DNM3: variants seen among roughly 807,000 people sequenced by gnomAD.
DNM3 encodes dynamin 3, also known as dynamin-3.
A neutral mutation model predicts 101.6 loss-of-function variants in DNM3; 47 were observed. The observed-to-expected ratio is 0.46, with a 90% confidence interval of 0.37 to 0.59. The LOEUF (loss-of-function observed/expected upper bound fraction) is 0.59. Among genes scored for constraint, DNM3 ranks in the 20% least tolerant of loss-of-function variants. The probability of loss-of-function intolerance (pLI) is 0.00; values close to 1 mark genes in which losing one functional copy is unlikely to be tolerated. For missense variants in DNM3, 849 were observed against 1,085.7 expected, an observed-to-expected ratio of 0.78 and a Z score of 3.06; for synonymous variants, 385 against 387.9, an observed-to-expected ratio of 0.99 and a Z score of 0.09.
chr1:171,883,345 T>TA lies in DNM3; in HGVS notation c.162-38396dup, dbSNP rs576707036. ...GGACAACAGAGTGAGACTCCATCTC[T>TA]AAAAAAACAAAAAAGGACCACACAC... On this transcript the variant is annotated intron_variant, in intron 1 of 20. Coordinates refer to ENST00000627582, the MANE Select transcript of DNM3 (RefSeq NM_015569.5). Among the ~76,000 whole-genome samples the TA allele has an allele frequency of 1.3e-3, 185 of 143,980 alleles. 1 individual carries two copies. Among genetic ancestry groups the TA allele is most frequent in the African/African-American group, 4.7e-3 (181 of 38,416 alleles). The allele number at this position is 143,980 out of a possible 152,430, so 94.5% of individuals were successfully genotyped here.
chr1:172,312,201 A>G (rs2757502), intron 16 of DNM3, among the ~76,000 whole-genome samples: 13,773 of 152,206 alleles, frequency 0.09, 811 homozygotes, highest in African/African-American at 0.16. Flanking sequence ...AAATTTTTAG[A>G]ATGTCTAAGT....
intron 15 of DNM3, among the ~76,000 whole-genome samples, chr1:172,276,653 G>A (rs2063303861): frequency 6.6e-6 from 1 of 151,064 alleles, no homozygotes; most frequent in African/African-American, 2.4e-5. Context: ...AGTCTTGAGT[G>A]TGATACCACT....
chr1:172,416,300 G>A (rs2071423180), downstream of DNM3, among the ~76,000 whole-genome samples: 1 of 152,128 alleles, frequency 6.6e-6, no homozygotes, highest in African/African-American at 2.4e-5. Flanking sequence ...TTTCGGCACT[G>A]TGTAAGTCAT....
intron 1 of DNM3, among the ~76,000 whole-genome samples, chr1:171,886,160 G>C (rs1025135660): frequency 6.6e-6 from 1 of 152,130 alleles, no homozygotes; most frequent in Non-Finnish European, 1.5e-5. Context: ...CTGAAATGTT[G>C]GTTCTTGTAA....
intron 2 of DNM3, among the ~76,000 whole-genome samples, chr1:171,943,544 T>C (rs1397457231): frequency 6.6e-6 from 1 of 152,194 alleles, no homozygotes; most frequent in Non-Finnish European, 1.5e-5. Context: ...TCCTTTCTAT[T>C]AATTCTAAGT....
intron 17 of DNM3, among the ~76,000 whole-genome samples, chr1:172,362,851 C>T (rs2067814848): frequency 6.6e-6 from 1 of 151,746 alleles, no homozygotes; most frequent in African/African-American, 2.4e-5. Context: ...AAGCCATTGC[C>T]AGCCCTCATT....
chr1:172,167,486 A>T (rs2058793671), intron 14 of DNM3, among the ~76,000 whole-genome samples: 1 of 152,022 alleles, frequency 6.6e-6, no homozygotes, highest in South Asian at 2.1e-4. Flanking sequence ...ATCCTTGAGG[A>T]GTCACCACAC....
intron 14 of DNM3, among the ~76,000 whole-genome samples, chr1:172,190,185 C>A (rs1432521937): frequency 6.6e-6 from 1 of 151,984 alleles, no homozygotes; most frequent in African/African-American, 2.4e-5. Context: ...CCGGCAGGCC[C>A]CAGTGTGTGA....
chr1:171,994,712 T>C (rs2045874729), intron 4 of DNM3, among the ~76,000 whole-genome samples: 1 of 132,908 alleles, frequency 7.5e-6, no homozygotes, highest in African/African-American at 3.9e-5. Context: ...GTTTTTTCTT[T>C]CTTTCTTTTT....
At chr1:172,365,786 G>A (rs2149023387) in intron 17 of DNM3, among the ~76,000 whole-genome samples, 2 of 152,048 alleles carry the variant, frequency 1.3e-5, no homozygotes, top group Middle Eastern at 3.4e-3. Flanking sequence ...TGCACATCCT[G>A]TAGATGAGCG....
intron 1 of DNM3, among the ~76,000 whole-genome samples, chr1:171,873,038 C>T (rs888575961): frequency 1.3e-5 from 2 of 152,104 alleles, no homozygotes; most frequent in East Asian, 1.9e-4. Flanking sequence ...CTTTAACTCA[C>T]ATTTTGTTAT....
At chr1:171,973,000 A>C (rs145892804) in intron 2 of DNM3, among the ~76,000 whole-genome samples, 171 of 152,310 alleles carry the variant, frequency 1.1e-3, no homozygotes, top group African/African-American at 3.1e-3. Flanking sequence ...TTTTATGGGG[A>C]AAGTTTCCGT....
intron 2 of DNM3, among the ~76,000 whole-genome samples, chr1:171,986,492 C>T (rs1279687479): frequency 3.9e-5 from 6 of 152,152 alleles, no homozygotes. Flanking sequence ...TGTTGATCTA[C>T]CTGCAGTAAC....
intron 19 of DNM3, among the ~76,000 whole-genome samples, chr1:172,387,813 C>T (rs2069282877): frequency 6.6e-6 from 1 of 152,152 alleles, no homozygotes; most frequent in Non-Finnish European, 1.5e-5. Context: ...ATTATACTAA[C>T]TCCCTTAAAA....
intron 17 of DNM3, among the ~76,000 whole-genome samples, 199 bp from the exon 18 acceptor site, chr1:172,378,819 C>A (rs1158859926): frequency 5.3e-5 from 8 of 152,004 alleles, no homozygotes; most frequent in Non-Finnish European, 8.8e-5. Flanking sequence ...TAGAATGTGG[C>A]AGGCTAAAAA....
chr1:172,347,133 A>G (rs2066979135), intron 17 of DNM3, among the ~76,000 whole-genome samples: 1 of 152,104 alleles, frequency 6.6e-6, no homozygotes, highest in African/African-American at 2.4e-5. Context: ...GAGCATCTCA[A>G]ACCTCAAGTA....
intron 14 of DNM3, among the ~76,000 whole-genome samples, chr1:172,248,741 A>C (rs1268063838): frequency 6.6e-6 from 1 of 152,180 alleles, no homozygotes; most frequent in South Asian, 2.1e-4. Flanking sequence ...TCAGTTAAGC[A>C]TTTCATATAG....
At chr1:171,979,213 G>C (rs2125581442) in intron 2 of DNM3, among the ~76,000 whole-genome samples, 1 of 152,258 alleles carries the variant, frequency 6.6e-6, no homozygotes, top group South Asian at 2.1e-4. Context: ...CCAAGACATA[G>C]AATAATTATA....
chr1:172,128,286 GT>G (rs1331216805), intron 13 of DNM3, among the ~76,000 whole-genome samples: 1 of 152,160 alleles, frequency 6.6e-6, no homozygotes, highest in Non-Finnish European at 1.5e-5. Context: ...CTCCATCTGT[GT>G]TTCCTACAGC....
Sources: gnomAD v4.1 joint callset for allele counts (sites outside exome capture counted in the v4.1 genomes callset) on GRCh38, gnomAD v4.1.1 for gene constraint, MANE v1.5 for transcripts, NCBI Gene and HGNC (gene_info 2026-07-23, HGNC 2026-07-21) for gene names.